The following TFPI variants were observed in gnomAD, a reference collection of about 807,000 sequenced individuals.
TFPI encodes the protein tissue factor pathway inhibitor, also known as anti-convertin.
A neutral mutation model predicts 34.6 loss-of-function variants in TFPI; 15 were observed. The ratio of observed to expected loss-of-function variants is 0.43; its 90% CI spans 0.29 to 0.67. The LOEUF is 0.67. Ranked by LOEUF, TFPI falls within the 30% of genes least tolerant of loss-of-function variation. The pLI is 0.15. For synonymous variants in TFPI, 105 were observed against 120.1 expected, an observed-to-expected ratio of 0.87 and a Z score of 0.82; for missense variants, 301 against 364.0, an observed-to-expected ratio of 0.83 and a Z score of 1.41.
Position 187,467,913 on chromosome 2 carries a change from C to A in TFPI, c.648G>T (p.Trp216Cys). Reference sequence around the variant, plus strand: ...ATCCTCTGTCTGCTGGAGTGAGACACCATGAGGGACCGTGAAATTCTAAAA... The same window carrying A: ...ATCCTCTGTCTGCTGGAGTGAGACAACATGAGGGACCGTGAAATTCTAAAA... Reference protein sequence around the residue: ...PSLFEFHGPSWCLTPADRGLC... With the variant: ...PSLFEFHGPSCCLTPADRGLC... Residue 216 changes from tryptophan to cysteine, a missense_variant, in exon 7 of 8, where the codon TGG (tryptophan) becomes TGT (cysteine). Physicochemically the swap from Trp to Cys is radical, Grantham distance 215. Transcript: ENST00000233156. 6.3e-7 allele frequency: 1 copy of A among 1,580,752 alleles called. No homozygotes were observed. Among genetic ancestry groups the A allele is most frequent in the Non-Finnish European group, 8.6e-7 (1 of 1,166,430 alleles).
intron 1 of TFPI, among the ~76,000 whole-genome samples, chr2:187,552,126 T>A (rs1689118433): frequency 7.5e-6 from 1 of 134,006 alleles, no homozygotes; most frequent in African/African-American, 2.9e-5. Context: ...TTCCTTTTTA[T>A]TTTTTGTAAG....
chr2:187,485,899 A>G (rs1344435782), intron 4 of TFPI, among the ~76,000 whole-genome samples: 1 of 151,682 alleles, frequency 6.6e-6, no homozygotes, highest in African/African-American at 2.4e-5. Context: ...AACTGTGGTA[A>G]CCTTTTTTCA....
chr2:187,546,870 A>G (rs1379896513), intron 1 of TFPI: 1 of 152,222 alleles, frequency 6.6e-6, no homozygotes, highest in African/African-American at 2.4e-5. Context: ...GTTAAAATCA[A>G]TCTATTAATT....
At chr2:187,473,013 G>GA (rs8176626) in intron 6 of TFPI, among the ~76,000 whole-genome samples, 7 of 148,480 alleles carry the variant, frequency 4.7e-5, no homozygotes, top group Non-Finnish European at 7.5e-5. Context: ...ACTCCATCTC[G>GA]AAAAAAAAAG....
intron 6 of TFPI, among the ~76,000 whole-genome samples, chr2:187,473,552 G>T (rs2105964444): frequency 6.6e-6 from 1 of 152,068 alleles, no homozygotes; most frequent in South Asian, 2.1e-4. Flanking sequence ...TAATGCTCAA[G>T]ATATATGATA....
At chr2:187,512,347 G>A (rs967227085) in intron 1 of TFPI, among the ~76,000 whole-genome samples, 10 of 149,936 alleles carry the variant, frequency 6.7e-5, no homozygotes, top group African/African-American at 1.7e-4. Flanking sequence ...AGGGTATTCT[G>A]TTAGAAAAAA....
rs188597759 is a variant in TFPI, at chr2:187,503,435, G to A, written c.121+213C>T. 3.7e-4 allele frequency among the ~76,000 whole-genome samples: 53 copies of A among 142,358 alleles called. 1 individual carries two copies. In the South Asian group the frequency reaches 8.4e-3, roughly 23 times the overall value. The allele number at this position is 142,358 out of a possible 152,430, so 93.4% of individuals were successfully genotyped here. ...GTTTCAGCTAAAGTTACTTGGTTTC[G>A]GACTGTTTAAAACACACATGTGCAT... On this transcript the variant is annotated intron_variant, in intron 2 of 7. Transcript: ENST00000233156.
At chr2:187,490,197 G>A (rs1024592733) in intron 3 of TFPI, among the ~76,000 whole-genome samples, 3 of 151,584 alleles carry the variant, frequency 2.0e-5, no homozygotes, top group African/African-American at 7.3e-5. Flanking sequence ...TGTAAATAAT[G>A]ATATTTTCTT....
chr2:187,485,086 G>A (rs8176513), intron 4 of TFPI, 99 bp from the exon 5 acceptor site: 2 of 885,674 alleles, frequency 2.3e-6, no homozygotes, highest in Non-Finnish European at 3.1e-6. Context: ...TATTGAAGGA[G>A]TAAGCATAAA....
chr2:187,485,259 ATG>A (rs2106017602), intron 4 of TFPI, among the ~76,000 whole-genome samples: 2 of 151,866 alleles, frequency 1.3e-5, no homozygotes, highest in East Asian at 3.9e-4. Flanking sequence ...TTATTTTACC[ATG>A]TACCACTCTT....
intron 1 of TFPI, among the ~76,000 whole-genome samples, chr2:187,541,960 A>G (rs899445731): frequency 6.6e-6 from 1 of 152,166 alleles, no homozygotes; most frequent in East Asian, 1.9e-4. Flanking sequence ...CATGCATGGG[A>G]TTTAATGACA....
intron 1 of TFPI, among the ~76,000 whole-genome samples, chr2:187,538,743 T>A (rs998199490): frequency 6.6e-6 from 1 of 152,084 alleles, no homozygotes; most frequent in Non-Finnish European, 1.5e-5. Context: ...AATTAAAAAA[T>A]TAATAACTTT....
intron 3 of TFPI, 142 bp downstream of exon 3, chr2:187,496,738 GA>G (rs1404701550): frequency 6.6e-6 from 5 of 756,974 alleles, no homozygotes; most frequent in Non-Finnish European, 1.0e-5. Flanking sequence ...AGGATTCCCT[GA>G]AAGTCTAAAA....
chr2:187,514,369 C>G (rs531952145), intron 1 of TFPI: 66 of 152,320 alleles, frequency 4.3e-4, no homozygotes, highest in African/African-American at 1.5e-3. Context: ...TGCATGGTAG[C>G]TCTTTTCCAG....
At chr2:187,468,903 T>C (rs528888511) in intron 6 of TFPI, among the ~76,000 whole-genome samples, 1 of 152,138 alleles carries the variant, frequency 6.6e-6, no homozygotes, top group South Asian at 2.1e-4. Flanking sequence ...TGAGATGTGA[T>C]ACAAGCAAAT....
At chr2:187,517,136 G>A (rs564135431) in intron 1 of TFPI, 5 of 152,042 alleles carry the variant, frequency 3.3e-5, no homozygotes, top group East Asian at 1.9e-4. Context: ...CGTTTTCTTC[G>A]CAGCACCAAG....
chr2:187,553,847 G>A (rs955367211), intron 1 of TFPI, among the ~76,000 whole-genome samples: 27 of 152,014 alleles, frequency 1.8e-4, no homozygotes, highest in African/African-American at 5.8e-4. Flanking sequence ...AAGGTAAACC[G>A]AACTTTCAAG....
At chr2:187,483,054 CA>C (rs1559105962) in intron 6 of TFPI, among the ~76,000 whole-genome samples, 1 of 152,056 alleles carries the variant, frequency 6.6e-6, no homozygotes, top group East Asian at 1.9e-4. Flanking sequence ...CTCAGCTGAA[CA>C]TTCACAGACT....
At chr2:187,493,359 ATGAGGACCC>A (rs1685250544) in intron 3 of TFPI, among the ~76,000 whole-genome samples, 1 of 152,136 alleles carries the variant, frequency 6.6e-6, no homozygotes, top group Admixed American at 6.5e-5. Flanking sequence ...TGCACACAGC[ATGAGGACCC>A]TGGGCCGGGT....
Sources: gnomAD v4.1 joint callset for allele counts (sites outside exome capture counted in the v4.1 genomes callset) on GRCh38, gnomAD v4.1.1 for gene constraint, MANE v1.5 for transcripts, NCBI Gene and HGNC (gene_info 2026-07-23, HGNC 2026-07-21) for gene names.